LHFPL3: variants seen among roughly 807,000 people sequenced by gnomAD.
LHFPL3 encodes the protein LHFPL tetraspan subfamily member 3 protein.
A neutral mutation model predicts 19.3 loss-of-function variants in LHFPL3; 5 were observed. That is an observed-to-expected ratio of 0.26 (90% CI 0.14 to 0.54). LHFPL3 has a LOEUF of 0.54. LHFPL3 is among the 20% of genes least tolerant of loss of function. The pLI is 0.94. For missense variants in LHFPL3, 249 were observed against 307.4 expected (o/e 0.81, Z 1.42); for synonymous variants, 133 against 126.2 (o/e 1.05, Z -0.36).
intron 2 of LHFPL3, among the ~76,000 whole-genome samples, chr7:104,808,526 A>C (rs1275362046): frequency 6.6e-6 from 1 of 152,178 alleles, no homozygotes; most frequent in Non-Finnish European, 1.5e-5. Context: ...ACTGACTCCA[A>C]AAGCAATACT....
intron 2 of LHFPL3, among the ~76,000 whole-genome samples, chr7:104,787,432 T>C (rs1414935947): frequency 6.6e-6 from 1 of 152,208 alleles, no homozygotes; most frequent in Non-Finnish European, 1.5e-5. Flanking sequence ...TTCTCACAGT[T>C]CTGCAAGCTG....
rs769359865 is a variant in LHFPL3 at position 104,845,299 on chromosome 7, T to C, written c.683-60888T>C. On this transcript the variant is annotated intron_variant, in intron 2 of 2. Transcript: ENST00000424859. ...GTCAATGGAATAGCCAGGAATGACG[T>C]TGTCAGTTTTAATCTTTAAAAAATG... 3.1e-5 allele frequency: 24 copies of C among 777,758 alleles called. No homozygotes were observed. The Middle Eastern group carries it at 6.6e-4, about 21-fold the overall frequency. 48.2% of individuals were successfully genotyped at this position (777,758 alleles called of 1,614,324 possible).
At chr7:104,699,907 C>T (rs1230810751) in intron 1 of LHFPL3, among the ~76,000 whole-genome samples, 1 of 152,182 alleles carries the variant, frequency 6.6e-6, no homozygotes, top group African/African-American at 2.4e-5. Context: ...TCAGGGATTG[C>T]TCCCAGAGAG....
intron 1 of LHFPL3, among the ~76,000 whole-genome samples, chr7:104,595,381 C>T (rs1439603430): frequency 6.6e-6 from 1 of 152,202 alleles, no homozygotes; most frequent in Non-Finnish European, 1.5e-5. Context: ...AGCTGAAGAA[C>T]AGCAAATATT....
chr7:104,459,850 A>G (rs1049859474), intron 1 of LHFPL3, among the ~76,000 whole-genome samples: 1 of 152,182 alleles, frequency 6.6e-6, no homozygotes, highest in African/African-American at 2.4e-5. Flanking sequence ...AATTGCTTGA[A>G]CAGATTTTTC....
intron 2 of LHFPL3, among the ~76,000 whole-genome samples, chr7:104,800,765 G>C (rs925347186): frequency 3.3e-5 from 5 of 152,158 alleles, no homozygotes; most frequent in African/African-American, 1.2e-4. Flanking sequence ...GAAAGGAGGA[G>C]CTGGAAAAGT....
At chr7:104,390,532 C>T (rs139987194) in intron 1 of LHFPL3, among the ~76,000 whole-genome samples, 3,519 of 152,232 alleles carry the variant, frequency 0.023, 137 homozygotes, top group African/African-American at 0.079. Context: ...TTTAAGGCTG[C>T]GTAGTATTCC....
chr7:104,573,744 C>T (rs28737288), intron 1 of LHFPL3, among the ~76,000 whole-genome samples: 1 of 152,204 alleles, frequency 6.6e-6, no homozygotes, highest in African/African-American at 2.4e-5. Flanking sequence ...TCCTGATAAA[C>T]AGGTGGTTAG....
At chr7:104,571,740 G>C (rs961749564) in intron 1 of LHFPL3, among the ~76,000 whole-genome samples, 1 of 152,096 alleles carries the variant, frequency 6.6e-6, no homozygotes, top group African/African-American at 2.4e-5. Flanking sequence ...TTGCAGCCCT[G>C]TAGGTATTTG....
chr7:104,472,954 A>G (rs1046035490), intron 1 of LHFPL3, among the ~76,000 whole-genome samples: 15 of 152,242 alleles, frequency 9.9e-5, no homozygotes, highest in African/African-American at 3.6e-4. Flanking sequence ...TTACAGAAAC[A>G]TCTTTCACTG....
At chr7:104,779,028 A>T (rs1794677972) in intron 2 of LHFPL3, among the ~76,000 whole-genome samples, 1 of 152,174 alleles carries the variant, frequency 6.6e-6, no homozygotes, top group Non-Finnish European at 1.5e-5. Context: ...CCTGGACATA[A>T]GCTTTCAATA....
chr7:104,887,134 G>A (rs1792164822), intron 2 of LHFPL3, among the ~76,000 whole-genome samples: 1 of 152,180 alleles, frequency 6.6e-6, no homozygotes. Flanking sequence ...CACAAAGATG[G>A]GCACTGACTT....
At chr7:104,722,073 A>G (rs961176988) in intron 1 of LHFPL3, among the ~76,000 whole-genome samples, 1 of 152,096 alleles carries the variant, frequency 6.6e-6, no homozygotes, top group East Asian at 1.9e-4. Context: ...AATTTGGGTA[A>G]ATTAGCAAGT....
At chr7:104,568,355 C>G (rs1387419451) in intron 1 of LHFPL3, among the ~76,000 whole-genome samples, 3 of 152,088 alleles carry the variant, frequency 2.0e-5, no homozygotes, top group Admixed American at 2.0e-4. Context: ...AAATTATAGC[C>G]CCTTGAAGGC....
intron 1 of LHFPL3, among the ~76,000 whole-genome samples, chr7:104,508,791 TAAAACAGAAGA>T (rs935188528): frequency 6.8e-5 from 10 of 148,038 alleles, no homozygotes; most frequent in African/African-American, 2.6e-4. Context: ...CAATGAAATT[TAAAACAGAAGA>T]AAAAAAGAGA....
intron 1 of LHFPL3, among the ~76,000 whole-genome samples, chr7:104,710,286 T>A (rs1793276606): frequency 6.6e-6 from 1 of 152,258 alleles, no homozygotes; most frequent in African/African-American, 2.4e-5. Context: ...GTAACAGGCT[T>A]CAAGCCATGT....
chr7:104,751,974 C>A (rs568503345), intron 2 of LHFPL3, among the ~76,000 whole-genome samples: 110 of 152,208 alleles, frequency 7.2e-4, no homozygotes, highest in African/African-American at 2.5e-3. Context: ...CCCTGTGGTG[C>A]TGGGGGCATT....
intron 1 of LHFPL3, among the ~76,000 whole-genome samples, chr7:104,636,785 C>T (rs1040437144): frequency 2.0e-5 from 3 of 152,144 alleles, no homozygotes; most frequent in African/African-American, 7.2e-5. Flanking sequence ...TAGTCTACCA[C>T]TGATGGATGT....
chr7:104,651,507 C>T (rs1792033724), intron 1 of LHFPL3, among the ~76,000 whole-genome samples: 1 of 152,234 alleles, frequency 6.6e-6, no homozygotes, highest in African/African-American at 2.4e-5. Flanking sequence ...TGCCCTGGCA[C>T]ATGCCCTCAG....
Sources: allele counts gnomAD v4.1 joint callset (sites outside exome capture counted in the v4.1 genomes callset), GRCh38; gene constraint gnomAD v4.1.1; transcripts MANE v1.5; gene names NCBI Gene and HGNC (gene_info 2026-07-23, HGNC 2026-07-21).